SIM1: variants seen among roughly 807,000 people sequenced by gnomAD.
SIM1 encodes single-minded homolog 1.
Under a neutral mutation model 78.2 loss-of-function variants are expected in SIM1, and 18 were observed. That is an observed-to-expected ratio of 0.23 (90% CI 0.16 to 0.34). SIM1 has a LOEUF of 0.34. Among genes scored for constraint, SIM1 ranks in the 10% least tolerant of loss-of-function variants. The pLI is 1.00. For synonymous variants in SIM1, 417 were observed against 385.2 expected, an observed-to-expected ratio of 1.08 and a Z score of -0.97; for missense variants, 939 against 975.1, an observed-to-expected ratio of 0.96 and a Z score of 0.49.
chr6:100,448,188 G>A lies in SIM1; in HGVS notation c.808C>T (p.His270Tyr). 6.2e-7 allele frequency: 1 copy of A among 1,613,898 alleles called. No homozygotes were observed. The highest frequency in any genetic ancestry group is 8.5e-7 in the Non-Finnish European group (1 of 1,179,974). Reference sequence around the variant, plus strand: ...CGCAGGTGGAAGGTGTCGCAGCCGTGCACATGGTGGTACAGAGTCTTCTCA... The same window carrying A: ...CGCAGGTGGAAGGTGTCGCAGCCGTACACATGGTGGTACAGAGTCTTCTCA... ...LIEKTLYHHV[H>Y]GCDTFHLRCA... Residue 270 changes from histidine to tyrosine, a missense_variant, in exon 8 of 12, where the codon CAC becomes TAC. Transcript: ENST00000369208.
chr6:100,439,245 T>C (rs1215181237), intron 9 of SIM1, among the ~76,000 whole-genome samples: 1 of 152,156 alleles, frequency 6.6e-6, no homozygotes, highest in Non-Finnish European at 1.5e-5. Flanking sequence ...ATACTAACAG[T>C]GTTACAAGGA....
At chr6:100,454,404 C>T (rs965935008) in intron 2 of SIM1, among the ~76,000 whole-genome samples, 2 of 152,170 alleles carry the variant, frequency 1.3e-5, no homozygotes, top group African/African-American at 4.8e-5. Flanking sequence ...AATTAGTTCC[C>T]TGGCGGATGA....
rs904681694 is a variant in SIM1 at position 100,385,842 on chromosome 6, G to A, written c.*4519C>T. 6.6e-6 allele frequency: 1 copy of A among 151,806 alleles called. No individual in the cohort carries two copies. The highest frequency in any genetic ancestry group is 1.5e-5 in the Non-Finnish European group (1 of 67,860). The allele number at this position is 151,806 out of a possible 1,614,324, so 9.4% of individuals were successfully genotyped here. A position where few individuals can be genotyped will look rare whatever the true frequency, so the allele number is the denominator to read the frequency against. On this transcript the variant is annotated 3_prime_UTR_variant, in exon 12 of 12. Transcript: ENST00000369208. ...TCTGAGCAAACCCCTATTTGGCAAT[G>A]ACCACACTCTCACTTTTTGAGTTAA... is the stretch of plus-strand genomic sequence containing the variant.
intron 3 of SIM1, among the ~76,000 whole-genome samples, chr6:100,452,718 G>A (rs1276258848): frequency 6.6e-6 from 1 of 152,146 alleles, no homozygotes; most frequent in Non-Finnish European, 1.5e-5. Flanking sequence ...ATTGGGGGAA[G>A]GACACAGGGA....
At chr6:100,412,521 A>G (rs1450710642) in intron 10 of SIM1, among the ~76,000 whole-genome samples, 1 of 145,774 alleles carries the variant, frequency 6.9e-6, no homozygotes, top group Non-Finnish European at 1.5e-5. Flanking sequence ...TGGGTGACAG[A>G]GCAAGACTCT....
intron 10 of SIM1, among the ~76,000 whole-genome samples, chr6:100,396,752 T>C (rs1770779308): frequency 6.6e-6 from 1 of 152,150 alleles, no homozygotes; most frequent in African/African-American, 2.4e-5. Flanking sequence ...TGATGTAAAC[T>C]CTGTTGAGGA....
At chr6:100,446,779 A>G (rs1341779305) in intron 9 of SIM1, among the ~76,000 whole-genome samples, 1 of 152,172 alleles carries the variant, frequency 6.6e-6, no homozygotes. Context: ...CCTCCTGGTC[A>G]CTTAAGCCCC....
chr6:100,450,489 G>T, intron 3 of SIM1, 133 bp from the exon 4 acceptor site: 2 of 732,568 alleles, frequency 2.7e-6, no homozygotes, highest in Non-Finnish European at 2.3e-6. Flanking sequence ...GCAGGAAACA[G>T]GGCATAGAAA....
intron 10 of SIM1, among the ~76,000 whole-genome samples, chr6:100,412,191 C>T (rs1337160497): frequency 2.0e-5 from 3 of 151,952 alleles, no homozygotes; most frequent in Admixed American, 2.0e-4. Flanking sequence ...TGAGGGACCT[C>T]CCAGGACACG....
chr6:100,392,588 T>C (rs148622931), intron 11 of SIM1, among the ~76,000 whole-genome samples: 151 of 152,346 alleles, frequency 9.9e-4, no homozygotes, highest in African/African-American at 3.5e-3. Context: ...AAAGCAAGAA[T>C]AGAAACAGAT....
Position 100,442,758 on chromosome 6 carries a change from C to T in SIM1, c.998+4510G>A, listed in dbSNP as rs1372823508. ...TTTTTAAAGCATTCTCTAAAAACTC[C>T]TAGTAATAATAATAATATATCACTG... On this transcript the variant is annotated intron_variant, in intron 9 of 11. Transcript: ENST00000369208. 5.9e-5 allele frequency among the ~76,000 whole-genome samples: 9 copies of T among 151,764 alleles called. 1 individual carries two copies. In the East Asian group the frequency reaches 1.7e-3, roughly 29 times the overall value.
At chr6:100,462,895 T>G in intron 2 of SIM1, 1 of 160,978 alleles carries the variant, frequency 6.2e-6, no homozygotes, top group South Asian at 1.9e-4. Flanking sequence ...TATCCACACC[T>G]GGCAAAAAAA....
At chr6:100,456,269 T>C (rs1317605385) in intron 2 of SIM1, among the ~76,000 whole-genome samples, 1 of 152,172 alleles carries the variant, frequency 6.6e-6, no homozygotes, top group Non-Finnish European at 1.5e-5. Context: ...GTAGAGACCT[T>C]CTCCCTGGAG....
chr6:100,412,679 AAG>A (rs1328864822), intron 10 of SIM1, among the ~76,000 whole-genome samples: 1 of 119,498 alleles, frequency 8.4e-6, no homozygotes, highest in Non-Finnish European at 1.8e-5. Context: ...GAGAGAAAGA[AAG>A]AAAAAGAAAG....
At chr6:100,424,278 G>A (rs1315847540) in intron 9 of SIM1, among the ~76,000 whole-genome samples, 1 of 151,918 alleles carries the variant, frequency 6.6e-6, no homozygotes. Flanking sequence ...TCAATGCTTT[G>A]GTACACATTA....
At chr6:100,436,123 T>C (rs564767019) in intron 9 of SIM1, among the ~76,000 whole-genome samples, 1 of 152,178 alleles carries the variant, frequency 6.6e-6, no homozygotes, top group African/African-American at 2.4e-5. Context: ...TTTTCAGGAG[T>C]GACCCAAACA....
Position 100,390,521 on chromosome 6 carries a change from G to C in SIM1, c.2141C>G (p.Thr714Ser), listed in dbSNP as rs1443524646. 2.5e-6 allele frequency: 4 copies of C among 1,614,062 alleles called. No individual in the cohort carries two copies. In the Admixed American group the frequency reaches 5.0e-5, roughly 20 times the overall value. ...QYFDKHAYTL[T>S]GYALEHLYDS... ...ATATAAGTGCTCCAGGGCATATCCA[G>C]TTAATGTGTAAGCATGCTTGTCAAA... The change falls in exon 12 of 12, where the codon ACT (threonine) becomes AGT (serine). Residue 714 changes from threonine to serine, a missense_variant. Transcript: ENST00000369208.
At chr6:100,455,407 C>G (rs1418431007) in intron 2 of SIM1, among the ~76,000 whole-genome samples, 2 of 152,182 alleles carry the variant, frequency 1.3e-5, no homozygotes, top group Non-Finnish European at 2.9e-5. Flanking sequence ...CTGGAAGGGC[C>G]CCCGCCACAG....
intron 2 of SIM1, among the ~76,000 whole-genome samples, chr6:100,461,841 C>CTTTTTTTTTTTTTT (rs10522700): frequency 8.8e-6 from 1 of 113,352 alleles, no homozygotes; most frequent in African/African-American, 3.6e-5. Context: ...TTCTTTCTTT[C>CTTTTTTTTTTTTTT]TTTTTTTTTT....
Sources: allele counts gnomAD v4.1 joint callset (sites outside exome capture counted in the v4.1 genomes callset), GRCh38; gene constraint gnomAD v4.1.1; transcripts MANE v1.5; gene names NCBI Gene and HGNC (gene_info 2026-07-23, HGNC 2026-07-21).